NEK9: variants seen among roughly 807,000 people sequenced by gnomAD.
The protein encoded by NEK9 is serine/threonine-protein kinase Nek9.
In NEK9, 75 loss-of-function variants were observed where a neutral mutation model predicts 123.4. The ratio of observed to expected loss-of-function variants is 0.61; its 90% CI spans 0.50 to 0.74. The LOEUF is 0.74. Among genes scored for constraint, NEK9 ranks in the 30% least tolerant of loss-of-function variants. The pLI, the probability that NEK9 is intolerant of heterozygous loss-of-function variation, is 0.00. For synonymous variants in NEK9, 438 were observed against 458.7 expected (o/e 0.95, Z 0.58); for missense variants, 952 against 1,214.4 (o/e 0.78, Z 3.21).
chr14:75,120,396 T>C, intron 4 of NEK9, 114 bp downstream of exon 4: 1 of 633,086 alleles, frequency 1.6e-6, no homozygotes, highest in South Asian at 2.0e-5. Context: ...GTGATATCAA[T>C]GGAAAAACTC....
intron 13 of NEK9, among the ~76,000 whole-genome samples, chr14:75,105,322 G>C (rs1036366457): frequency 1.3e-5 from 2 of 150,232 alleles, no homozygotes; most frequent in African/African-American, 2.4e-5. Flanking sequence ...AAAAAAAAAA[G>C]AAAACAGAAA....
intron 2 of NEK9, among the ~76,000 whole-genome samples, chr14:75,122,718 A>T (rs1895377817): frequency 7.0e-6 from 1 of 143,198 alleles, no homozygotes; most frequent in Non-Finnish European, 1.5e-5. Flanking sequence ...GTTGGCCAGG[A>T]TGGTCTCGAT....
Position 75,082,801 on chromosome 14 carries a change from T to C in NEK9, c.*1763A>G, listed in dbSNP as rs1238776247. 3 of 396,078 alleles carry C rather than the reference T, an allele frequency of 7.6e-6. No individual in the cohort carries two copies. The highest frequency in any genetic ancestry group is 4.4e-5 in the Admixed American group (1 of 22,658). 24.5% of individuals were successfully genotyped at this position (396,078 alleles called of 1,614,324 possible). Reference sequence around the variant, plus strand: ...CAATCGGTCCTCAAGAAAATCAAAGTTGCATTTACATGCTGAACCAAAACC... The same window carrying C: ...CAATCGGTCCTCAAGAAAATCAAAGCTGCATTTACATGCTGAACCAAAACC... On this transcript the variant is annotated 3_prime_UTR_variant, in exon 22 of 22. Coordinates refer to ENST00000238616, the MANE Select transcript of NEK9 (RefSeq NM_033116.6).
chr14:75,101,294 G>A, intron 15 of NEK9, 141 bp from the exon 16 acceptor site: 3 of 890,150 alleles, frequency 3.4e-6, no homozygotes, highest in East Asian at 2.6e-5. Flanking sequence ...CCTGGACCTA[G>A]GACAAATACA....
chr14:75,084,345 G>A lies in NEK9; in HGVS notation c.*219C>T. On this transcript the variant is annotated 3_prime_UTR_variant, in exon 22 of 22. Transcript: ENST00000238616. ...TCACTGATGACAAAGCCAGGGCCAT[G>A]GGGGCCCTTCCATTCTCCAAAACAA... 1 of 569,938 alleles carries A rather than the reference G, an allele frequency of 1.8e-6. No individual in the cohort carries two copies. The highest frequency in any genetic ancestry group is 3.1e-6 in the Non-Finnish European group (1 of 318,392). 35.3% of individuals were successfully genotyped at this position (569,938 alleles called of 1,614,324 possible). A position where few individuals can be genotyped will look rare whatever the true frequency, so the allele number is the denominator to read the frequency against.
intron 16 of NEK9, among the ~76,000 whole-genome samples, chr14:75,099,715 G>C (rs981072822): frequency 1.3e-5 from 2 of 149,748 alleles, no homozygotes; most frequent in African/African-American, 4.9e-5. Flanking sequence ...CTGGGAGGCG[G>C]TAGTTGCAGT....
At position 75,081,527 on chromosome 14, in the gene NEK9, T is replaced by G. The variant is rs1319812579; in HGVS notation, c.*3037A>C. 6.6e-6 allele frequency: 1 copy of G among 152,256 alleles called. No individual in the cohort carries two copies. Among genetic ancestry groups the G allele is most frequent in the African/African-American group, 2.4e-5 (1 of 41,460 alleles). The allele number at this position is 152,256 out of a possible 1,614,324, so 9.4% of individuals were successfully genotyped here. On this transcript the variant is annotated 3_prime_UTR_variant, in exon 22 of 22. Transcript: ENST00000238616. The surrounding 1 kb of genome is among the most constrained non-coding windows in gnomAD (Gnocchi z 4.2). ...ATAGCCCACTCTGCCCTGACCATCA[T>G]GAATACTTTTTTGGAGGTTTAGGGA... is the stretch of plus-strand genomic sequence containing the variant.
chr14:75,105,915 G>T lies in NEK9; in HGVS notation c.1575+35C>A, dbSNP rs376172521. The T allele has an allele frequency of 3.8e-5, 58 of 1,540,922 alleles. No homozygotes were observed. The African/African-American group carries it at 6.8e-4, about 18-fold the overall frequency. ...TATTATTGGAGTCTGTGCGACTTAA[G>T]ATAGGTTTTAGAAATAAGTTGCTTC... is the stretch of plus-strand genomic sequence containing the variant. On this transcript the variant is annotated intron_variant, in intron 13 of 21. Transcript: ENST00000238616.
chr14:75,122,789 C>CTGTTTTT (rs1895382252), intron 2 of NEK9, among the ~76,000 whole-genome samples: 2 of 80,106 alleles, frequency 2.5e-5, no homozygotes, highest in Non-Finnish European at 4.5e-5. Flanking sequence ...CCACGCCCAG[C>CTGTTTTT]TTTTTTTTTT....
At chr14:75,121,065 T>G (rs1420013917) in intron 3 of NEK9, 54 bp downstream of exon 3, 1 of 1,376,086 alleles carries the variant, frequency 7.3e-7, no homozygotes, top group East Asian at 2.3e-5. Context: ...AGAACTAGAA[T>G]GCAAGAATTA....
chr14:75,082,496 A>AACTT lies in NEK9; in HGVS notation c.*2064_*2067dup, dbSNP rs1893894535. 2 of 152,934 alleles carry AACTT rather than the reference A, an allele frequency of 1.3e-5. No homozygotes were observed. Among genetic ancestry groups the AACTT allele is most frequent in the African/African-American group, 4.8e-5 (2 of 41,486 alleles). The allele number at this position is 152,934 out of a possible 1,614,324, so 9.5% of individuals were successfully genotyped here. A position where few individuals can be genotyped will look rare whatever the true frequency, so the allele number is the denominator to read the frequency against. On this transcript the variant is annotated 3_prime_UTR_variant, in exon 22 of 22. Coordinates refer to ENST00000238616, the MANE Select transcript of NEK9 (RefSeq NM_033116.6). Reference sequence around the variant, plus strand: ...AGTGCAAACTGTCTCTAAGGCACAGAACTTAGATTCTCAGCCAGATTAATA... The same window carrying AACTT: ...AGTGCAAACTGTCTCTAAGGCACAGAACTTACTTAGATTCTCAGCCAGATTAATA...
At chr14:75,127,129 G>A (rs117586973), upstream of NEK9, 714 of 515,584 alleles carry the variant, frequency 1.4e-3, 14 homozygotes, top group East Asian at 0.022. Flanking sequence ...TACCCTCTTG[G>A]CTAGTCTAGC....
intron 18 of NEK9, among the ~76,000 whole-genome samples, chr14:75,092,559 G>A (rs1249916816): frequency 1.3e-5 from 2 of 152,130 alleles, no homozygotes; most frequent in African/African-American, 2.4e-5. Context: ...CAGCCACTGC[G>A]CCCGGCCAAT....
chr14:75,113,960 AC>A (rs1895044356), intron 7 of NEK9, among the ~76,000 whole-genome samples: 1 of 152,174 alleles, frequency 6.6e-6, no homozygotes, highest in Non-Finnish European at 1.5e-5. Context: ...AAAATCGAGC[AC>A]AATTTAGATG....
chr14:75,091,516 A>G (rs892059643), intron 18 of NEK9, 38 bp from the exon 19 acceptor site: 2 of 1,473,438 alleles, frequency 1.4e-6, no homozygotes, highest in Non-Finnish European at 1.8e-6. Flanking sequence ...CAGCTTTGCT[A>G]TGCAGCAAGA....
At chr14:75,086,904 CAA>C in intron 21 of NEK9, 112 bp downstream of exon 21, 6 of 1,117,784 alleles carry the variant, frequency 5.4e-6, no homozygotes, top group Non-Finnish European at 6.6e-6. Flanking sequence ...GACTCCGTCT[CAA>C]AAAAAAAGTA....
chr14:75,119,931 A>G (rs1413240127), intron 4 of NEK9, among the ~76,000 whole-genome samples: 1 of 152,232 alleles, frequency 6.6e-6, no homozygotes, highest in East Asian at 1.9e-4. Flanking sequence ...TGTTAACTGA[A>G]TGAACAAACC....
chr14:75,088,608 C>T lies in NEK9; in HGVS notation c.2476G>A (p.Asp826Asn), dbSNP rs184791637. 1.9e-6 allele frequency: 3 copies of T among 1,613,970 alleles called. No individual in the cohort carries two copies. The highest frequency in any genetic ancestry group is 2.2e-5 in the East Asian group (1 of 44,876). ...LENAEFIPMP[D>N]SPSPLSAAFS... ...GCTGCACTGAGAGGAGATGGGCTGT[C>T]AGGCATGGGGATAAATTCTGCATTT... Residue 826 changes from aspartate (D) to asparagine (N), a missense_variant, in exon 20 of 22, where the codon GAC becomes AAC. Asp to Asn is a conservative substitution (Grantham distance 23). Transcript: ENST00000238616.
At chr14:75,126,353 T>A (rs1042598850) in intron 1 of NEK9, among the ~76,000 whole-genome samples, 4 of 152,030 alleles carry the variant, frequency 2.6e-5, no homozygotes, top group Non-Finnish European at 4.4e-5. Flanking sequence ...CACATTCGTA[T>A]ACCACTTTAA....
Sources: allele counts gnomAD v4.1 joint callset (sites outside exome capture counted in the v4.1 genomes callset), GRCh38; gene constraint gnomAD v4.1.1; non-coding constraint Gnocchi (gnomAD v3.1); transcripts MANE v1.5; gene names NCBI Gene and HGNC (gene_info 2026-07-23, HGNC 2026-07-21).